The following NPAS2 variants were observed in gnomAD, a reference collection of about 807,000 sequenced individuals.
The protein encoded by NPAS2 is neuronal PAS domain protein 2.
In NPAS2, 23 loss-of-function variants were observed where a neutral mutation model predicts 107.5. The ratio of observed to expected loss-of-function variants is 0.21; its 90% CI spans 0.15 to 0.30. The LOEUF is 0.30. Ranked by LOEUF, NPAS2 falls within the 10% of genes least tolerant of loss-of-function variation. The probability of loss-of-function intolerance (pLI) is 1.00; values close to 1 mark genes in which losing one functional copy is unlikely to be tolerated. For synonymous variants in NPAS2, 403 were observed against 417.5 expected (o/e 0.97, Z 0.42); for missense variants, 756 against 1,043.3 (o/e 0.72, Z 3.79).
intron 4 of NPAS2, among the ~76,000 whole-genome samples, chr2:100,935,475 A>G (rs1684245303): frequency 6.6e-6 from 1 of 152,244 alleles, no homozygotes; most frequent in Admixed American, 6.5e-5. Context: ...AATCCCTTTC[A>G]GATGCTACTG....
chr2:100,949,533 G>A (rs1289543710), intron 7 of NPAS2, 53 bp downstream of exon 7: 2 of 1,009,068 alleles, frequency 2.0e-6, no homozygotes, highest in Non-Finnish European at 1.6e-6. Context: ...ATGCAAACGT[G>A]CACATGGGGG....
rs75802064 is a variant in NPAS2 at position 100,860,776 on chromosome 2, G to A, written c.-23+40362G>A. Among the ~76,000 whole-genome samples the A allele has an allele frequency of 8.2e-3, 1,242 of 152,230 alleles. 10 individuals are homozygous for A. Among genetic ancestry groups the A allele is most frequent in the African/African-American group, 0.027 (1,112 of 41,534 alleles). On this transcript the variant is annotated intron_variant, in intron 1 of 20. Coordinates refer to ENST00000335681, the MANE Select transcript of NPAS2 (RefSeq NM_002518.4). Reference sequence around the variant, plus strand: ...GAGCTCTTTCCAGCTGGCTTCTGACGTGTCCGCATCATTCTTTGAGCTCTT... The same window carrying A: ...GAGCTCTTTCCAGCTGGCTTCTGACATGTCCGCATCATTCTTTGAGCTCTT...
chr2:100,935,428 G>A (rs915063004), intron 4 of NPAS2, among the ~76,000 whole-genome samples: 2 of 152,186 alleles, frequency 1.3e-5, no homozygotes, highest in African/African-American at 4.8e-5. Flanking sequence ...ACCATTCCAT[G>A]GATAGGGGCA....
intron 1 of NPAS2, among the ~76,000 whole-genome samples, chr2:100,873,319 C>T (rs541759391): frequency 2.8e-3 from 354 of 125,320 alleles, no homozygotes; most frequent in African/African-American, 0.012. Flanking sequence ...CACACACACA[C>T]ACACACACAC....
At chr2:100,916,790 A>G (rs1190202846) in intron 2 of NPAS2, among the ~76,000 whole-genome samples, 1 of 152,204 alleles carries the variant, frequency 6.6e-6, no homozygotes, top group Non-Finnish European at 1.5e-5. Flanking sequence ...CATATTGAAC[A>G]TTTACCAAGC....
intron 1 of NPAS2, among the ~76,000 whole-genome samples, chr2:100,863,277 G>A (rs996187154): frequency 1.3e-5 from 2 of 152,146 alleles, no homozygotes; most frequent in African/African-American, 4.8e-5. Flanking sequence ...AGCAAAAGAG[G>A]GCCATGGCTG....
chr2:100,922,318 G>A (rs902699145), intron 2 of NPAS2, among the ~76,000 whole-genome samples: 1 of 152,134 alleles, frequency 6.6e-6, no homozygotes, highest in African/African-American at 2.4e-5. Flanking sequence ...GGTGGCTCAT[G>A]CCTGTAATCC....
rs74672590 is a variant in NPAS2 at position 100,850,710 on chromosome 2, T to C, written c.-23+30296T>C. Among the ~76,000 whole-genome samples the C allele has an allele frequency of 5.8e-3, 880 of 152,042 alleles. 49 individuals are homozygous for C. The East Asian group carries it at 0.14, about 24-fold the overall frequency. On this transcript the variant is annotated intron_variant, in intron 1 of 20. Transcript: ENST00000335681. ...GCTCATGCCTGTAATCCCAGCACTT[T>C]AGGAGGCCGAGGTGGGAGGATCACT...
chr2:100,964,898 C>A lies in NPAS2; in HGVS notation c.755C>A (p.Thr252Asn), dbSNP rs555063320. 1 of 1,575,668 alleles carries A rather than the reference C, an allele frequency of 6.3e-7. No individual in the cohort carries two copies. Among genetic ancestry groups the A allele is most frequent in the African/African-American group, 1.4e-5 (1 of 71,880 alleles). Reference protein sequence around the residue: ...CIVDEPLEEFTSRHSLEWKFL... With the variant: ...CIVDEPLEEFNSRHSLEWKFL... Reference sequence around the variant, plus strand: ...GTTGACGAACCTTTAGAGGAATTCACTTCAAGGCATAGCTTGGAATGGAAA... The same window carrying A: ...GTTGACGAACCTTTAGAGGAATTCAATTCAAGGCATAGCTTGGAATGGAAA... The change falls in exon 9 of 21, where the codon ACT (threonine) becomes AAT (asparagine). Residue 252 changes from threonine to asparagine, a missense_variant. Around this residue, in one of 4 missense-constraint regions of NPAS2, gnomAD observed 84 missense variants for 175.5 expected, o/e 0.48. Coordinates refer to ENST00000335681, the MANE Select transcript of NPAS2 (RefSeq NM_002518.4).
At chr2:100,932,837 C>A in intron 3 of NPAS2, 73 bp from the exon 4 acceptor site, 1 of 1,007,072 alleles carries the variant, frequency 9.9e-7, no homozygotes, top group Non-Finnish European at 1.6e-6. Context: ...ATAGAAGTAA[C>A]ATGTGCTTCA....
intron 5 of NPAS2, among the ~76,000 whole-genome samples, chr2:100,939,945 C>T (rs1002554729): frequency 1.3e-5 from 2 of 152,218 alleles, no homozygotes; most frequent in African/African-American, 4.8e-5. Context: ...AACTAAGACT[C>T]TGTATATATA....
chr2:100,821,577 T>C (rs1676073475), intron 1 of NPAS2, among the ~76,000 whole-genome samples: 1 of 152,232 alleles, frequency 6.6e-6, no homozygotes, highest in Non-Finnish European at 1.5e-5. Flanking sequence ...GTTTTTCCTG[T>C]TTGAACTTCC....
At chr2:100,872,947 T>C (rs1023299251) in intron 1 of NPAS2, among the ~76,000 whole-genome samples, 2 of 152,038 alleles carry the variant, frequency 1.3e-5, no homozygotes, top group African/African-American at 4.8e-5. Context: ...ACAGACTAAG[T>C]TCTAGTAAGT....
intron 1 of NPAS2, among the ~76,000 whole-genome samples, chr2:100,882,267 A>G (rs1021788974): frequency 6.6e-6 from 1 of 152,110 alleles, no homozygotes. Flanking sequence ...CATTTGCCAC[A>G]TTTGTGGATT....
intron 15 of NPAS2, among the ~76,000 whole-genome samples, chr2:100,981,213 C>A (rs1270631268): frequency 6.6e-6 from 1 of 152,122 alleles, no homozygotes; most frequent in African/African-American, 2.4e-5. Context: ...AAGAGAGAGG[C>A]CCTGGGGGCA....
At chr2:100,990,539 C>T in intron 18 of NPAS2, 93 bp downstream of exon 18, 2 of 1,353,862 alleles carry the variant, frequency 1.5e-6, no homozygotes, top group Non-Finnish European at 2.1e-6. Context: ...AGGCAGAGTT[C>T]AGACAGATTC....
At chr2:100,918,550 T>A (rs1279131246) in intron 2 of NPAS2, among the ~76,000 whole-genome samples, 1 of 152,058 alleles carries the variant, frequency 6.6e-6, no homozygotes, top group Non-Finnish European at 1.5e-5. Context: ...CAAAACTCAA[T>A]AGTAAGGAAA....
rs144077886 is a variant in NPAS2 at position 100,852,168 on chromosome 2, G to A, written c.-23+31754G>A. 6.4e-3 allele frequency among the ~76,000 whole-genome samples: 980 copies of A among 152,134 alleles called. 56 individuals carry two copies. In the East Asian group the frequency reaches 0.14, roughly 22 times the overall value. ...TCCCAGCACTTTGGGAGGTCAAGGC[G>A]GGCGGATCACGAGGTCAGGAGATCA... On this transcript the variant is annotated intron_variant, in intron 1 of 20. Coordinates refer to ENST00000335681, the MANE Select transcript of NPAS2 (RefSeq NM_002518.4).
upstream of NPAS2, among the ~76,000 whole-genome samples, chr2:100,819,781 T>C (rs1434654348): frequency 7.4e-6 from 1 of 135,314 alleles, no homozygotes; most frequent in Non-Finnish European, 1.5e-5. This position sits in a 1 kb window ranked among gnomAD's most constrained non-coding sequence, Gnocchi z 5.8. Flanking sequence ...CCGGCTCACC[T>C]GGAAGCACAA....
Sources: gnomAD v4.1 joint callset for allele counts (sites outside exome capture counted in the v4.1 genomes callset) on GRCh38, gnomAD v4.1.1 for gene constraint, gnomAD v4.1.1 regional missense constraint, Gnocchi (gnomAD v3.1) non-coding constraint, MANE v1.5 for transcripts, NCBI Gene and HGNC (gene_info 2026-07-23, HGNC 2026-07-21) for gene names.